The following LRRC20 variants were observed in gnomAD, a reference collection of about 807,000 sequenced individuals.
The protein encoded by LRRC20 is leucine-rich repeat-containing protein 20.
A neutral mutation model predicts 14.4 loss-of-function variants in LRRC20; 11 were observed. The observed-to-expected ratio is 0.77, with a 90% CI of 0.48 to 1.27. LRRC20 has a LOEUF of 1.27. LRRC20 is among the 50% of genes most tolerant of loss of function. The pLI, the probability that LRRC20 is intolerant of heterozygous loss-of-function variation, is 0.00. For synonymous variants in LRRC20, 121 were observed against 107.3 expected (o/e 1.13, Z -0.79); for missense variants, 219 against 251.2 (o/e 0.87, Z 0.87).
intron 2 of LRRC20, among the ~76,000 whole-genome samples, chr10:70,342,938 GC>G (rs1258601107): frequency 6.6e-6 from 1 of 152,152 alleles, no homozygotes; most frequent in African/African-American, 2.4e-5. Context: ...AGGCTTCTAA[GC>G]CTTTGACGAT....
At chr10:70,327,014 C>T (rs1303948964) in intron 3 of LRRC20, among the ~76,000 whole-genome samples, 1 of 152,134 alleles carries the variant, frequency 6.6e-6, no homozygotes, top group Non-Finnish European at 1.5e-5. Flanking sequence ...AGGCATGAGT[C>T]TAATTGTATT....
intron 4 of LRRC20, among the ~76,000 whole-genome samples, chr10:70,315,759 C>T (rs149952140): frequency 9.9e-4 from 151 of 152,330 alleles, no homozygotes; most frequent in African/African-American, 3.5e-3. Context: ...GTGATCTCCA[C>T]GCTTCAGCCC....
At chr10:70,368,180 C>T (rs1361557559) in intron 2 of LRRC20, among the ~76,000 whole-genome samples, 1 of 58,536 alleles carries the variant, frequency 1.7e-5, no homozygotes, top group African/African-American at 6.5e-5. Flanking sequence ...TTTTTTGAAA[C>T]GGAGTCTCAC....
At chr10:70,361,465 G>A (rs1278650094) in intron 2 of LRRC20, among the ~76,000 whole-genome samples, 1 of 152,256 alleles carries the variant, frequency 6.6e-6, no homozygotes, top group Non-Finnish European at 1.5e-5. Context: ...CTGAGGCAGG[G>A]GCAGGGGCAA....
chr10:70,374,574 C>A (rs573769978), intron 2 of LRRC20, among the ~76,000 whole-genome samples: 2 of 152,080 alleles, frequency 1.3e-5, no homozygotes, highest in African/African-American at 4.8e-5. Context: ...GAACTCCTGG[C>A]CCCAAGCGAT....
intron 4 of LRRC20, among the ~76,000 whole-genome samples, chr10:70,301,763 A>G (rs933451768): frequency 1.3e-5 from 2 of 152,250 alleles, no homozygotes; most frequent in African/African-American, 4.8e-5. Context: ...TAGGATTGCC[A>G]TACAACCCAG....
chr10:70,378,300 C>T (rs1844581967), intron 1 of LRRC20, among the ~76,000 whole-genome samples: 1 of 152,136 alleles, frequency 6.6e-6, no homozygotes, highest in African/African-American at 2.4e-5. Context: ...GTTTCAGTAG[C>T]ACTTAATGAC....
At chr10:70,374,528 T>C (rs1397869691) in intron 2 of LRRC20, among the ~76,000 whole-genome samples, 1 of 151,980 alleles carries the variant, frequency 6.6e-6, no homozygotes, top group Non-Finnish European at 1.5e-5. Context: ...TTTTTGAATT[T>C]TTAGTATGTT....
chr10:70,339,416 GAC>G (rs1277315307), intron 3 of LRRC20, among the ~76,000 whole-genome samples: 7 of 152,214 alleles, frequency 4.6e-5, no homozygotes, highest in African/African-American at 1.7e-4. Flanking sequence ...GCTCCTGGAA[GAC>G]AGAGGGCAGG....
chr10:70,334,188 A>G (rs1206890826), intron 3 of LRRC20, among the ~76,000 whole-genome samples: 3 of 151,722 alleles, frequency 2.0e-5, no homozygotes, highest in Non-Finnish European at 4.4e-5. Context: ...GACAGAGTAG[A>G]TCTGCCTGAT....
chr10:70,334,042 C>T (rs1014047673), intron 3 of LRRC20, among the ~76,000 whole-genome samples: 6 of 151,802 alleles, frequency 4.0e-5, no homozygotes, highest in East Asian at 1.9e-4. Flanking sequence ...CCCAGCTACT[C>T]GGGAGGCTGA....
At chr10:70,362,557 C>T (rs953001952) in intron 2 of LRRC20, among the ~76,000 whole-genome samples, 2 of 152,226 alleles carry the variant, frequency 1.3e-5, no homozygotes, top group Admixed American at 6.5e-5. Flanking sequence ...GAGTGAGGAC[C>T]AGAACCCCAG....
intron 2 of LRRC20, among the ~76,000 whole-genome samples, chr10:70,351,461 T>C (rs7077793): frequency 0.9 from 137,332 of 152,226 alleles, 62,149 homozygotes; most frequent in Middle Eastern, 0.96. Context: ...ATGAGTTTAA[T>C]TGTTAGAGAG....
intron 2 of LRRC20, 141 bp from the exon 3 acceptor site, chr10:70,340,843 G>T: frequency 1.2e-6 from 1 of 811,734 alleles, no homozygotes; most frequent in Non-Finnish European, 2.0e-6. Context: ...CCAGGCTTCA[G>T]ACCCTGCCCT....
At chr10:70,330,801 C>T (rs1332934992) in intron 3 of LRRC20, among the ~76,000 whole-genome samples, 1 of 152,208 alleles carries the variant, frequency 6.6e-6, no homozygotes, top group Non-Finnish European at 1.5e-5. Flanking sequence ...GTGGTTTCCA[C>T]TGCTCTACCC....
chr10:70,333,974 A>C lies in LRRC20; in HGVS notation c.232+6579T>G, dbSNP rs189299664. Among the ~76,000 whole-genome samples, 562 of 152,256 alleles carry C rather than the reference A, an allele frequency of 3.7e-3. 7 individuals carry two copies. Among genetic ancestry groups the C allele is most frequent in the Non-Finnish European group, 6.1e-3 (412 of 68,012 alleles). On this transcript the variant is annotated intron_variant, in intron 3 of 4. Coordinates refer to ENST00000446961, the MANE Select transcript of LRRC20 (RefSeq NM_001278212.2). ...AGACCAGCCTGACCAACATGGTTAA[A>C]TCCTGTCTCTACTAAAAATACAAAA...
At chr10:70,378,360 C>T (rs1195856057) in intron 1 of LRRC20, among the ~76,000 whole-genome samples, 3 of 152,050 alleles carry the variant, frequency 2.0e-5, no homozygotes, top group Non-Finnish European at 4.4e-5. Flanking sequence ...ATACACTTGT[C>T]AGCCGGGCGC....
intron 4 of LRRC20, among the ~76,000 whole-genome samples, chr10:70,322,093 A>T (rs1842104229): frequency 6.6e-6 from 1 of 150,734 alleles, no homozygotes; most frequent in South Asian, 2.1e-4. Flanking sequence ...ACTGCAGCCA[A>T]CATAGACACC....
At chr10:70,380,550 G>C (rs1431057665) in intron 1 of LRRC20, among the ~76,000 whole-genome samples, 3 of 152,208 alleles carry the variant, frequency 2.0e-5, no homozygotes, top group Non-Finnish European at 4.4e-5. Flanking sequence ...AGCCCACATG[G>C]GCCAGATCGC....
Sources: gnomAD v4.1 joint callset for allele counts (sites outside exome capture counted in the v4.1 genomes callset) on GRCh38, gnomAD v4.1.1 for gene constraint, MANE v1.5 for transcripts, NCBI Gene and HGNC (gene_info 2026-07-23, HGNC 2026-07-21) for gene names.